Variants in RPS6KC1 observed in about 807,000 individuals in gnomAD.
The protein encoded by RPS6KC1 is inactive ribosomal protein S6 kinase delta-1.
RPS6KC1 carries 54 observed loss-of-function variants against 103.8 expected under a neutral mutation model. That is an observed-to-expected ratio of 0.52 (90% CI 0.42 to 0.65). RPS6KC1 has a LOEUF of 0.65. Among genes scored for constraint, RPS6KC1 ranks in the 30% least tolerant of loss-of-function variants. RPS6KC1 has a pLI of 0.00. For synonymous variants in RPS6KC1, 439 were observed against 438.7 expected (o/e 1.00, Z -0.01); for missense variants, 1,151 against 1,253.8 (o/e 0.92, Z 1.24).
the RPS6KC1 span, among the ~76,000 whole-genome samples, chr1:213,374,491 T>C: frequency 6.6e-6 from 1 of 151,642 alleles, no homozygotes; most frequent in African/African-American, 2.4e-5. Flanking sequence ...CACTAGGGGG[T>C]GCGCCAGCCA....
At chr1:213,611,390 T>G in the RPS6KC1 span, among the ~76,000 whole-genome samples, 1 of 152,092 alleles carries the variant, frequency 6.6e-6, no homozygotes, top group Non-Finnish European at 1.5e-5. Flanking sequence ...GCTCCACATG[T>G]GTGTTTGTTG....
the RPS6KC1 span, among the ~76,000 whole-genome samples, chr1:213,358,812 T>A: frequency 6.6e-6 from 1 of 152,246 alleles, no homozygotes; most frequent in African/African-American, 2.4e-5. Flanking sequence ...TTTCGTTATG[T>A]ACCCAGTAGT....
the RPS6KC1 span, among the ~76,000 whole-genome samples, chr1:213,647,503 C>T: frequency 1.3e-5 from 2 of 152,130 alleles, no homozygotes; most frequent in South Asian, 2.1e-4. Flanking sequence ...ACCTGGGTAC[C>T]GATTCTTGTT....
the RPS6KC1 span, among the ~76,000 whole-genome samples, chr1:213,823,150 C>T: frequency 6.6e-6 from 1 of 152,316 alleles, no homozygotes; most frequent in African/African-American, 2.4e-5. Flanking sequence ...TCCACTCATT[C>T]AAGGATGTTC....
Position 213,247,631 on chromosome 1 carries a change from A to T in RPS6KC1, c.2911+4973A>T, listed in dbSNP as rs567997035. On this transcript the variant is annotated intron_variant, in intron 12 of 14. Coordinates refer to ENST00000366960, the MANE Select transcript of RPS6KC1 (RefSeq NM_012424.6). ...CTACCAAACCTGCATATTGTCCCAG[A>T]TCATGTATTAACTGATTGCTTGACC... is the stretch of plus-strand genomic sequence containing the variant. Among the ~76,000 whole-genome samples, 6 of 152,302 alleles carry T rather than the reference A, an allele frequency of 3.9e-5. No individual in the cohort carries two copies. In the East Asian group the frequency reaches 5.8e-4, roughly 15 times the overall value.
At chr1:213,658,269 A>G in the RPS6KC1 span, among the ~76,000 whole-genome samples, 3 of 152,184 alleles carry the variant, frequency 2.0e-5, no homozygotes, top group African/African-American at 7.2e-5. Context: ...CTTGTAGATG[A>G]GCCTGGGGAA....
At chr1:213,735,619 G>T in the RPS6KC1 span, among the ~76,000 whole-genome samples, 9 of 152,180 alleles carry the variant, frequency 5.9e-5, no homozygotes, top group African/African-American at 1.4e-4. Context: ...TTGGTACAAT[G>T]ATGCATGTTC....
chr1:213,358,584 G>T, the RPS6KC1 span, among the ~76,000 whole-genome samples: 13 of 152,184 alleles, frequency 8.5e-5, no homozygotes, highest in Admixed American at 8.5e-4. Context: ...CAAAAAACCA[G>T]CTCCTGGATT....
the RPS6KC1 span, among the ~76,000 whole-genome samples, chr1:213,621,773 A>G: frequency 1.3e-5 from 2 of 152,296 alleles, no homozygotes; most frequent in South Asian, 2.1e-4. Flanking sequence ...GCAGAGCATT[A>G]AAGTGTGGGC....
At chr1:213,553,122 A>G in the RPS6KC1 span, among the ~76,000 whole-genome samples, 3 of 152,214 alleles carry the variant, frequency 2.0e-5, no homozygotes, top group East Asian at 1.9e-4. Flanking sequence ...TAATCAGCCT[A>G]ATACCTGATA....
chr1:213,724,663 A>C, the RPS6KC1 span, among the ~76,000 whole-genome samples: 1 of 152,118 alleles, frequency 6.6e-6, no homozygotes. Context: ...GCTTTGGGAC[A>C]TGAAGGTGGG....
At chr1:213,197,082 C>T (rs2092978037) in intron 8 of RPS6KC1, among the ~76,000 whole-genome samples, 1 of 152,170 alleles carries the variant, frequency 6.6e-6, no homozygotes, top group African/African-American at 2.4e-5. Flanking sequence ...GGCGATCCAC[C>T]CGCCTCAGCC....
the RPS6KC1 span, among the ~76,000 whole-genome samples, chr1:213,811,690 G>T: frequency 6.6e-6 from 1 of 152,194 alleles, no homozygotes. Context: ...AGACAGGAAA[G>T]TTCCCTGTCA....
At chr1:213,403,756 A>G in the RPS6KC1 span, among the ~76,000 whole-genome samples, 3 of 152,116 alleles carry the variant, frequency 2.0e-5, no homozygotes, top group Non-Finnish European at 4.4e-5. Context: ...ATGCATAAAC[A>G]CTTATCTGGG....
the RPS6KC1 span, among the ~76,000 whole-genome samples, chr1:213,409,713 G>A: frequency 2.6e-5 from 4 of 152,244 alleles, no homozygotes; most frequent in African/African-American, 9.6e-5. Flanking sequence ...TGGCTCCAAT[G>A]TGTTTAGTGC....
chr1:213,230,658 A>G (rs1010399327), intron 9 of RPS6KC1, 114 bp downstream of exon 9: 1 of 576,712 alleles, frequency 1.7e-6, no homozygotes, highest in Non-Finnish European at 2.9e-6. Flanking sequence ...AACATGGTGA[A>G]ACCCCGTTTC....
chr1:213,388,547 A>G, the RPS6KC1 span, among the ~76,000 whole-genome samples: 3 of 152,226 alleles, frequency 2.0e-5, no homozygotes, highest in African/African-American at 4.8e-5. Context: ...TCTGGTTGCA[A>G]ATGAAAACCT....
intron 3 of RPS6KC1, among the ~76,000 whole-genome samples, chr1:213,088,046 C>A (rs2148631618): frequency 6.6e-6 from 1 of 152,282 alleles, no homozygotes; most frequent in South Asian, 2.1e-4. Context: ...TACCCCAGGA[C>A]TTGCATTACC....
intron 6 of RPS6KC1, among the ~76,000 whole-genome samples, chr1:213,130,861 C>A (rs2085524712): frequency 6.6e-6 from 1 of 152,020 alleles, no homozygotes; most frequent in Non-Finnish European, 1.5e-5. Flanking sequence ...TTTTACCATG[C>A]CATGTAAATC....
Sources: allele counts gnomAD v4.1 joint callset (sites outside exome capture counted in the v4.1 genomes callset), GRCh38; gene constraint gnomAD v4.1.1; transcripts MANE v1.5; gene names NCBI Gene and HGNC (gene_info 2026-07-23, HGNC 2026-07-21).